OTOF: variants seen among roughly 807,000 people sequenced by gnomAD.
OTOF encodes otoferlin, also known as fer-1-like family member 2.
In OTOF, 218 loss-of-function variants were observed where a neutral mutation model predicts 236.8. That is an observed-to-expected ratio of 0.92 (90% CI 0.82 to 1.03). The LOEUF (loss-of-function observed/expected upper bound fraction) is 1.03. OTOF is among the 50% of genes least tolerant of loss of function. OTOF has a pLI of 0.00. For synonymous variants in OTOF, 1,041 were observed against 1,072.5 expected (o/e 0.97, Z 0.57); for missense variants, 2,590 against 2,694.4 (o/e 0.96, Z 0.86).
At chr2:26,502,828 C>T (rs1666149671) in intron 6 of OTOF, among the ~76,000 whole-genome samples, 1 of 152,234 alleles carries the variant, frequency 6.6e-6, no homozygotes. Context: ...GTCCTTAGAG[C>T]TGTGCCCTGC....
chr2:26,547,873 C>T (rs1667371629), intron 1 of OTOF, among the ~76,000 whole-genome samples: 1 of 152,212 alleles, frequency 6.6e-6, no homozygotes, highest in Middle Eastern at 3.2e-3. Flanking sequence ...TTCTACAATA[C>T]AGCAGTGAAA....
At chr2:26,458,309 A>C (rs1333300825) in intron 46 of OTOF, 89 bp from the exon 47 acceptor site, 1 of 1,361,602 alleles carries the variant, frequency 7.3e-7, no homozygotes, top group Admixed American at 2.0e-5. Flanking sequence ...GACCCCCAAA[A>C]GCCCTGCCAT....
intron 6 of OTOF, 132 bp from the exon 7 acceptor site, chr2:26,502,558 T>C (rs2071674528): frequency 3.3e-6 from 3 of 914,592 alleles, no homozygotes; most frequent in Non-Finnish European, 3.4e-6. Flanking sequence ...CTTAGAATAT[T>C]ATGGCCTGAA....
Position 26,527,850 on chromosome 2 carries a change from C to T in OTOF, c.209G>A (p.Ser70Asn). 1 of 1,613,580 alleles carries T rather than the reference C, an allele frequency of 6.2e-7. No individual in the cohort carries two copies. The highest frequency in any genetic ancestry group is 8.5e-7 in the Non-Finnish European group (1 of 1,179,482). Residue 70 changes from serine (S) to asparagine (N), a missense_variant, in exon 3 of 47, where the codon AGC becomes AAC. Around this residue, in one of 2 missense-constraint regions of OTOF, gnomAD observed 1,379 missense variants for 1,341.6 expected, o/e 1.03. Coordinates refer to ENST00000272371, the MANE Select transcript of OTOF (RefSeq NM_194248.3). ...EMLEIQVFNYSKVFSNKLIGT... is the reference protein window; with the variant it reads ...EMLEIQVFNYNKVFSNKLIGT... Reference sequence around the variant, plus strand: ...CACTTACTTGTTGCTGAAGACTTTGCTGTAGTTGAAAACCTGAATCTCCAG... The same window carrying T: ...CACTTACTTGTTGCTGAAGACTTTGTTGTAGTTGAAAACCTGAATCTCCAG...
intron 5 of OTOF, among the ~76,000 whole-genome samples, chr2:26,509,273 G>A (rs1666324364): frequency 6.6e-6 from 1 of 152,156 alleles, no homozygotes; most frequent in Non-Finnish European, 1.5e-5. Context: ...TCCCTAAGAG[G>A]ACTCCCCAGC....
chr2:26,460,010 A>G lies in OTOF; in HGVS notation c.*15T>C. On this transcript the variant is annotated splice_region_variant and 3_prime_UTR_variant, in exon 46 of 47. Transcript: ENST00000272371. The surrounding 1 kb of genome is among the most constrained non-coding windows in gnomAD (Gnocchi z 5.3). ...GGAAGAAGTAAGAAATATCAGACCC[A>G]GGAGGCCACTGGGCTCAGGCCCCGA... is the stretch of plus-strand genomic sequence containing the variant. The G allele has an allele frequency of 1.3e-6, 2 of 1,561,110 alleles. No individual in the cohort carries two copies. The highest frequency in any genetic ancestry group is 1.9e-4 in the Middle Eastern group (1 of 5,130).
At chr2:26,504,272 C>T (rs1179013369) in intron 5 of OTOF, among the ~76,000 whole-genome samples, 1 of 152,174 alleles carries the variant, frequency 6.6e-6, no homozygotes, top group Non-Finnish European at 1.5e-5. Context: ...GGAGAGAAAG[C>T]CCGAGGACTG....
At position 26,473,203 on chromosome 2, in the gene OTOF, T is replaced by C. The variant is rs1665081236; in HGVS notation, c.3662A>G (p.His1221Arg). The change falls in exon 29 of 47, where the codon CAT (histidine) becomes CGT (arginine). Residue 1221 changes from histidine (H) to arginine (R), a missense_variant. This residue lies in a region of OTOF where 1,211 missense variants were observed against 1,352.8 expected (regional missense o/e 0.90). Coordinates refer to ENST00000272371, the MANE Select transcript of OTOF (RefSeq NM_194248.3). This position sits in a 1 kb window ranked among gnomAD's most constrained non-coding sequence, Gnocchi z 7.2. The part of the protein sequence containing the change: ...AFGRYTLVGS[H>R]AVSSLRRFIY... Reference sequence around the variant, plus strand: ...GAAGCGTCGCAGGGAGCTGACGGCATGGGAGCCCACCAGTGTGTAGCGACC... The same window carrying C: ...GAAGCGTCGCAGGGAGCTGACGGCACGGGAGCCCACCAGTGTGTAGCGACC... 9 of 1,613,034 alleles carry C rather than the reference T, an allele frequency of 5.6e-6. No homozygotes were observed. In the East Asian group the frequency reaches 6.7e-5, roughly 12 times the overall value.
chr2:26,540,026 G>C (rs904811799), intron 1 of OTOF, among the ~76,000 whole-genome samples: 2 of 152,020 alleles, frequency 1.3e-5, no homozygotes, highest in Admixed American at 6.5e-5. Context: ...CTCTGCCTCC[G>C]GGGTTCAAAT....
intron 3 of OTOF, among the ~76,000 whole-genome samples, chr2:26,521,303 T>C (rs760095367): frequency 2.0e-5 from 3 of 152,098 alleles, no homozygotes; most frequent in Non-Finnish European, 4.4e-5. Context: ...GGCACATCTT[T>C]CTCCAGAATT....
chr2:26,523,075 C>T (rs1232692403), intron 3 of OTOF, among the ~76,000 whole-genome samples: 1 of 152,224 alleles, frequency 6.6e-6, no homozygotes, highest in Non-Finnish European at 1.5e-5. Flanking sequence ...CCCCTGGGAG[C>T]CCGTGTCAGG....
At chr2:26,520,765 C>T (rs1036893814) in intron 3 of OTOF, among the ~76,000 whole-genome samples, 7 of 152,168 alleles carry the variant, frequency 4.6e-5, no homozygotes, top group Admixed American at 1.3e-4. Context: ...TTTTAGCTTC[C>T]GTACCATGTA....
At chr2:26,507,700 G>A (rs1298255049) in intron 5 of OTOF, among the ~76,000 whole-genome samples, 1 of 152,176 alleles carries the variant, frequency 6.6e-6, no homozygotes, top group Admixed American at 6.5e-5. Flanking sequence ...ATTCTTGGGC[G>A]TATTAAAGCT....
At chr2:26,551,021 G>A (rs193191979) in intron 1 of OTOF, among the ~76,000 whole-genome samples, 21 of 152,006 alleles carry the variant, frequency 1.4e-4, no homozygotes, top group African/African-American at 4.1e-4. Flanking sequence ...ACAGAGTCTC[G>A]CTCTGTCGCC....
intron 8 of OTOF, among the ~76,000 whole-genome samples, chr2:26,498,298 A>G (rs373135129): frequency 3.2e-4 from 48 of 152,320 alleles, no homozygotes; most frequent in African/African-American, 1.1e-3. Context: ...AGGGAAGAGA[A>G]GCTCCAGAGG....
Position 26,484,648 on chromosome 2 carries a change from G to T in OTOF, c.1046-15C>A, listed in dbSNP as rs1482454123. The T allele has an allele frequency of 6.2e-7, 1 of 1,613,168 alleles. No individual in the cohort carries two copies. The highest frequency in any genetic ancestry group is 1.1e-5 in the South Asian group (1 of 91,026). The stretch of plus-strand genomic sequence containing the variant: ...GAACTGGTGCTCTGCAATGATGAGG[G>T]GTGGGCACTGCACCAGACACCCCCA... On this transcript the variant is annotated splice_polypyrimidine_tract_variant and intron_variant, in intron 11 of 46. Transcript: ENST00000272371.
At position 26,475,577 on chromosome 2, in the gene OTOF, C is replaced by T. The variant is rs137906608; in HGVS notation, c.2992-84G>A. 1,229 of 1,465,714 alleles carry T rather than the reference C, an allele frequency of 8.4e-4. 8 individuals are homozygous for T. In the African/African-American group the frequency reaches 0.013, roughly 16 times the overall value. The allele number at this position is 1,465,714 out of a possible 1,614,324, so 90.8% of individuals were successfully genotyped here. A position where few individuals can be genotyped will look rare whatever the true frequency, so the allele number is the denominator to read the frequency against. ...ACAGAAGCCACCCCTACTCACTCAG[C>T]TTCCACGGAACCTGGGGGCAGGAGT... On this transcript the variant is annotated intron_variant, in intron 24 of 46. Transcript: ENST00000272371.
Position 26,462,443 on chromosome 2 carries a change from GAA to G in OTOF, c.5193-264_5193-263del, listed in dbSNP as rs1432293179. On this transcript the variant is annotated intron_variant, in intron 41 of 46. Coordinates refer to ENST00000272371, the MANE Select transcript of OTOF (RefSeq NM_194248.3). This position sits in a 1 kb window ranked among gnomAD's most constrained non-coding sequence, Gnocchi z 4.7. Reference sequence around the variant, plus strand: ...TCTGTCTCAGATGCTAGTTCCAAGAGAAGTCTGCATTTAAGCCCAGTAGCCAG... The same window carrying G: ...TCTGTCTCAGATGCTAGTTCCAAGAGGTCTGCATTTAAGCCCAGTAGCCAG... Among the ~76,000 whole-genome samples the G allele has an allele frequency of 4.6e-5, 7 of 152,218 alleles. No individual in the cohort carries two copies. The East Asian group carries it at 1.3e-3, about 29-fold the overall frequency.
At chr2:26,501,657 G>T in intron 8 of OTOF, 97 bp downstream of exon 8, 3 of 872,990 alleles carry the variant, frequency 3.4e-6, no homozygotes, top group Non-Finnish European at 5.9e-6. Context: ...TATGACCCCT[G>T]GATCCATGCC....
Sources: allele counts gnomAD v4.1 joint callset (sites outside exome capture counted in the v4.1 genomes callset), GRCh38; gene constraint gnomAD v4.1.1; regional missense constraint gnomAD v4.1.1; non-coding constraint Gnocchi (gnomAD v3.1); transcripts MANE v1.5; gene names NCBI Gene and HGNC (gene_info 2026-07-23, HGNC 2026-07-21).